Variants in PTPRM observed in about 807,000 individuals in gnomAD.
PTPRM encodes receptor-type tyrosine-protein phosphatase mu.
A neutral mutation model predicts 186.7 loss-of-function variants in PTPRM; 47 were observed. That is an observed-to-expected ratio of 0.25 (90% CI 0.20 to 0.32). The LOEUF (loss-of-function observed/expected upper bound fraction) is 0.32, where lower values mean the gene tolerates loss of function less well. Ranked by LOEUF, PTPRM falls within the 10% of genes least tolerant of loss-of-function variation. The probability of loss-of-function intolerance (pLI) is 1.00; values close to 1 mark genes in which losing one functional copy is unlikely to be tolerated. For missense variants in PTPRM, 1,494 were observed against 1,865.0 expected, an observed-to-expected ratio of 0.80 and a Z score of 3.66; for synonymous variants, 668 against 674.9, an observed-to-expected ratio of 0.99 and a Z score of 0.16.
rs527842181 is a variant in PTPRM, at chr18:8,307,499, A to C, written c.2843-7282A>C. ...ATAAACTACATAATGTATGACTGTT[A>C]TCCTCTATTAGAAAGCTATAGAGGC... On this transcript the variant is annotated intron_variant, in intron 20 of 32. Coordinates refer to ENST00000580170, the MANE Select transcript of PTPRM (RefSeq NM_001105244.2). Among the ~76,000 whole-genome samples, 3 of 152,294 alleles carry C rather than the reference A, an allele frequency of 2.0e-5. No individual in the cohort carries two copies. The South Asian group carries it at 6.2e-4, about 32-fold the overall frequency.
intron 22 of PTPRM, among the ~76,000 whole-genome samples, chr18:8,331,772 C>T (rs937138689): frequency 6.6e-6 from 1 of 152,198 alleles, no homozygotes; most frequent in African/African-American, 2.4e-5. Flanking sequence ...CAAAGAGTGC[C>T]ATCATTGTTC....
At position 7,704,174 on chromosome 18, in the gene PTPRM, A is replaced by C. The variant is rs907055721; in HGVS notation, c.74-69975A>C. 6.6e-5 allele frequency among the ~76,000 whole-genome samples: 10 copies of C among 152,290 alleles called. 1 individual carries two copies. Among genetic ancestry groups the C allele is most frequent in the Admixed American group, 4.6e-4 (7 of 15,298 alleles). On this transcript the variant is annotated intron_variant, in intron 1 of 32. Transcript: ENST00000580170. ...TCTGCCAGGTTTTGGTATCAGGATGATGCTGGCCTTAAAAAATGAGTTAGG... is the reference window on the plus strand; with the variant it reads ...TCTGCCAGGTTTTGGTATCAGGATGCTGCTGGCCTTAAAAAATGAGTTAGG...
intron 19 of PTPRM, among the ~76,000 whole-genome samples, chr18:8,277,601 A>G (rs2094851298): frequency 6.6e-6 from 1 of 152,290 alleles, no homozygotes; most frequent in Non-Finnish European, 1.5e-5. Flanking sequence ...AGAAATAGAC[A>G]TACTTCCAAA....
At chr18:8,183,805 A>C (rs1475017508) in intron 14 of PTPRM, among the ~76,000 whole-genome samples, 3 of 152,194 alleles carry the variant, frequency 2.0e-5, no homozygotes, top group Non-Finnish European at 4.4e-5. Context: ...TGTGGTGTTT[A>C]CATCCTCAAC....
At chr18:8,188,958 C>A (rs116226502) in intron 14 of PTPRM, among the ~76,000 whole-genome samples, 479 of 152,262 alleles carry the variant, frequency 3.1e-3, no homozygotes, top group African/African-American at 0.011. Flanking sequence ...TCAGAAAATA[C>A]TTTTCCAAAG....
At chr18:7,655,357 A>G (rs2038822747) in intron 1 of PTPRM, among the ~76,000 whole-genome samples, 1 of 152,034 alleles carries the variant, frequency 6.6e-6, no homozygotes, top group African/African-American at 2.4e-5. Flanking sequence ...ACCACGCCCC[A>G]CCTACACACA....
At chr18:8,082,394 A>G (rs12185338) in intron 9 of PTPRM, among the ~76,000 whole-genome samples, 86,913 of 151,678 alleles carry the variant, frequency 0.57, 25,312 homozygotes, top group Non-Finnish European at 0.64. Flanking sequence ...GGCTTTACAG[A>G]TACACAGAAT....
chr18:7,815,313 A>G (rs992451037), intron 2 of PTPRM: 2 of 152,238 alleles, frequency 1.3e-5, no homozygotes, highest in Admixed American at 6.5e-5. Flanking sequence ...CAGTACCCGA[A>G]TAAAGCCTGG....
At chr18:7,905,643 T>C (rs1242405829) in intron 3 of PTPRM, among the ~76,000 whole-genome samples, 1 of 152,172 alleles carries the variant, frequency 6.6e-6, no homozygotes, top group African/African-American at 2.4e-5. Flanking sequence ...GCCATGGTCA[T>C]GACCACCTCA....
intron 2 of PTPRM, among the ~76,000 whole-genome samples, chr18:7,846,384 A>G (rs2046597372): frequency 6.6e-6 from 1 of 152,244 alleles, no homozygotes; most frequent in Non-Finnish European, 1.5e-5. Context: ...TTCCAAAAGA[A>G]TCATAGGTAA....
At chr18:7,758,108 TA>T (rs1302171687) in intron 1 of PTPRM, among the ~76,000 whole-genome samples, 1 of 152,188 alleles carries the variant, frequency 6.6e-6, no homozygotes, top group Non-Finnish European at 1.5e-5. Context: ...CATGTGTTAG[TA>T]ATTTATCCCA....
chr18:8,379,214 C>G lies in PTPRM; in HGVS notation c.3660C>G (p.Ile1220Met). 1 of 1,613,832 alleles carries G rather than the reference C, an allele frequency of 6.2e-7. No homozygotes were observed. The highest frequency in any genetic ancestry group is 8.5e-7 in the Non-Finnish European group (1 of 1,179,878). ...TPTLRVEDCS[I>M]ALLPRNHEKN... ...CGCTGCGAGTAGAGGACTGCAGCAT[C>G]GCACTGTTGCCCCGGAACCATGAGA... is the stretch of plus-strand genomic sequence containing the variant. Residue 1220 changes from isoleucine (I) to methionine (M), a missense_variant, in exon 28 of 33, where the codon ATC (isoleucine) becomes ATG (methionine). Around this residue, in one of 3 missense-constraint regions of PTPRM, gnomAD observed 1,107 missense variants for 1,350.2 expected, o/e 0.82. Coordinates refer to ENST00000580170, the MANE Select transcript of PTPRM (RefSeq NM_001105244.2).
At chr18:8,119,634 A>C (rs1600675161) in intron 13 of PTPRM, among the ~76,000 whole-genome samples, 1 of 152,326 alleles carries the variant, frequency 6.6e-6, no homozygotes, top group South Asian at 2.1e-4. Flanking sequence ...CCCCCTGAGA[A>C]GTTCCTAAAG....
intron 19 of PTPRM, among the ~76,000 whole-genome samples, chr18:8,263,732 G>T (rs539593187): frequency 4.6e-5 from 7 of 152,244 alleles, no homozygotes; most frequent in Admixed American, 1.3e-4. Flanking sequence ...CTAAAAACTC[G>T]AACAAGCTGT....
chr18:8,213,236 A>C (rs2094031707), intron 14 of PTPRM, among the ~76,000 whole-genome samples: 1 of 152,228 alleles, frequency 6.6e-6, no homozygotes, highest in Non-Finnish European at 1.5e-5. Context: ...ATTCTTGCAC[A>C]CGAAAGGTAA....
At chr18:7,886,533 AT>A (rs1385988184) in intron 2 of PTPRM, among the ~76,000 whole-genome samples, 6 of 152,120 alleles carry the variant, frequency 3.9e-5, no homozygotes, top group African/African-American at 1.4e-4. Flanking sequence ...AGCTACTATA[AT>A]TTCCCTTCAC....
intron 2 of PTPRM, among the ~76,000 whole-genome samples, chr18:7,794,508 A>T (rs972452892): frequency 6.6e-6 from 1 of 152,112 alleles, no homozygotes; most frequent in Non-Finnish European, 1.5e-5. Context: ...TGTGAGGGTG[A>T]GGACAAGAGG....
chr18:7,795,263 C>G (rs1169965837), intron 2 of PTPRM, among the ~76,000 whole-genome samples: 2 of 152,158 alleles, frequency 1.3e-5, no homozygotes, highest in African/African-American at 4.8e-5. Flanking sequence ...GCTCTTCTAT[C>G]TTCTCTCTGA....
intron 19 of PTPRM, among the ~76,000 whole-genome samples, chr18:8,254,170 C>T (rs1339086277): frequency 6.6e-6 from 1 of 152,232 alleles, no homozygotes; most frequent in Non-Finnish European, 1.5e-5. Flanking sequence ...ACTGTCCAGC[C>T]AGCCCAGAGA....
Sources: allele counts gnomAD v4.1 joint callset (sites outside exome capture counted in the v4.1 genomes callset), GRCh38; gene constraint gnomAD v4.1.1; regional missense constraint gnomAD v4.1.1; transcripts MANE v1.5; gene names NCBI Gene and HGNC (gene_info 2026-07-23, HGNC 2026-07-21).